The following HERC3 variants were observed in gnomAD, a reference collection of about 807,000 sequenced individuals.
HERC3 encodes probable E3 ubiquitin-protein ligase HERC3.
HERC3 carries 58 observed loss-of-function variants against 129.9 expected under a neutral mutation model. The ratio of observed to expected loss-of-function variants is 0.45; its 90% CI spans 0.36 to 0.56. HERC3 has a LOEUF of 0.56. Among genes scored for constraint, HERC3 ranks in the 20% least tolerant of loss-of-function variants. The pLI is 0.00. For missense variants in HERC3, 835 were observed against 1,244.2 expected (o/e 0.67, Z 4.95); for synonymous variants, 430 against 451.0 (o/e 0.95, Z 0.59).
chr4:88,624,983 C>G (rs1725934429), intron 3 of HERC3, among the ~76,000 whole-genome samples: 1 of 152,154 alleles, frequency 6.6e-6, no homozygotes, highest in African/African-American at 2.4e-5. Flanking sequence ...TTGCATTATC[C>G]TGGAACCTAT....
chr4:88,563,804 A>G, the HERC3 span, among the ~76,000 whole-genome samples: 10 of 151,804 alleles, frequency 6.6e-5, no homozygotes, highest in South Asian at 1.7e-3. Context: ...GATTACAGGC[A>G]TGCACCACCA....
the HERC3 span, among the ~76,000 whole-genome samples, chr4:88,543,303 G>T: frequency 1.3e-5 from 2 of 151,894 alleles, no homozygotes; most frequent in Admixed American, 6.6e-5. Context: ...AACAGACAGA[G>T]AGCCAAATCA....
Position 88,662,426 on chromosome 4 carries a change from T to G in HERC3, c.1147-5T>G, listed in dbSNP as rs1432843864. On this transcript the variant is annotated splice_region_variant and splice_polypyrimidine_tract_variant and intron_variant, in intron 10 of 25. Transcript: ENST00000402738. The stretch of plus-strand genomic sequence containing the variant: ...TTCTTTTTACTGTTACATTTAATTC[T>G]CCAGAATTATTCTCCTGCTGTTGAC... 1 of 1,602,522 alleles carries G rather than the reference T, an allele frequency of 6.2e-7. No homozygotes were observed. The highest frequency in any genetic ancestry group is 1.8e-5 in the Admixed American group (1 of 56,968).
intron 10 of HERC3, among the ~76,000 whole-genome samples, chr4:88,661,587 G>A (rs1304315463): frequency 1.3e-5 from 2 of 152,124 alleles, no homozygotes; most frequent in Non-Finnish European, 2.9e-5. Flanking sequence ...CTTAGTTCTC[G>A]ATCAAGAACA....
Position 88,605,960 on chromosome 4 carries a change from CTG to C in HERC3, c.141_142del (p.Phe48ProfsTer21). Reference sequence around the variant, plus strand: ...GAAGTGGCCTGTGGGGGAAACCACTCTGTGTTCCTGCTGGAAGATGGGGAAGT... The same window carrying C: ...GAAGTGGCCTGTGGGGGAAACCACTCTGTTCCTGCTGGAAGATGGGGAAGT... On this transcript the variant is annotated frameshift_variant, in exon 3 of 26. Transcript: ENST00000402738. LOFTEE classifies it high-confidence loss of function. 1 of 1,614,074 alleles carries C rather than the reference CTG, an allele frequency of 6.2e-7. No homozygotes were observed. The highest frequency in any genetic ancestry group is 8.5e-7 in the Non-Finnish European group (1 of 1,180,016).
At chr4:88,662,967 A>G (rs1730648736) in intron 11 of HERC3, among the ~76,000 whole-genome samples, 1 of 151,754 alleles carries the variant, frequency 6.6e-6, no homozygotes, top group African/African-American at 2.4e-5. Context: ...TTTCCTATTC[A>G]TAATGATTGA....
At chr4:88,679,765 G>T (rs1050710197) in intron 19 of HERC3, among the ~76,000 whole-genome samples, 11 of 152,134 alleles carry the variant, frequency 7.2e-5, no homozygotes, top group Non-Finnish European at 1.5e-4. Flanking sequence ...TGATCTGCCT[G>T]CCTCGGCCTC....
intron 3 of HERC3, among the ~76,000 whole-genome samples, chr4:88,641,363 TTCAA>T (rs1320760747): frequency 6.6e-6 from 1 of 152,182 alleles, no homozygotes; most frequent in Non-Finnish European, 1.5e-5. Context: ...AAGAAAAGTA[TTCAA>T]TCAATAATTT....
the HERC3 span, among the ~76,000 whole-genome samples, chr4:88,529,406 A>G: frequency 1.3e-5 from 2 of 152,164 alleles, no homozygotes; most frequent in Non-Finnish European, 2.9e-5. Context: ...ACAGTAAGGT[A>G]TGATGGCACC....
chr4:88,609,789 G>A lies in HERC3; in HGVS notation c.226+3740G>A, dbSNP rs979187599. 8.5e-5 allele frequency among the ~76,000 whole-genome samples: 13 copies of A among 152,298 alleles called. No individual in the cohort carries two copies. In the East Asian group the frequency reaches 1.3e-3, roughly 16 times the overall value. On this transcript the variant is annotated intron_variant, in intron 3 of 25. Transcript: ENST00000402738. ...TCAAGAAAGAATTCAGGGCAAGTCC[G>A]TGGTACAAAATGAAAACAAATTTAT...
At chr4:88,607,697 G>A (rs1723824080) in intron 3 of HERC3, among the ~76,000 whole-genome samples, 1 of 152,126 alleles carries the variant, frequency 6.6e-6, no homozygotes, top group South Asian at 2.1e-4. Flanking sequence ...TCAAACTCTT[G>A]AGCTCAAGCA....
Position 88,605,934 on chromosome 4 carries a change from G to A in HERC3, c.111G>A (p.Lys37=). 1 of 1,614,170 alleles carries A rather than the reference G, an allele frequency of 6.2e-7. No homozygotes were observed. The highest frequency in any genetic ancestry group is 1.1e-5 in the South Asian group (1 of 91,084). ...VCGFISDRSV[K]EVACGGNHSV... ...GGTTCATATCTGACAGAAGTGTCAA[G>A]GAAGTGGCCTGTGGGGGAAACCACT... is the stretch of plus-strand genomic sequence containing the variant. Residue 37 remains lysine (K), a synonymous_variant, in exon 3 of 26, where the codon AAG becomes AAA. Coordinates refer to ENST00000402738, the MANE Select transcript of HERC3 (RefSeq NM_014606.3).
chr4:88,636,901 C>T (rs535970694), intron 3 of HERC3, among the ~76,000 whole-genome samples: 13 of 152,216 alleles, frequency 8.5e-5, no homozygotes, highest in East Asian at 1.9e-4. Flanking sequence ...TTTGTGAGGC[C>T]GAGGTGGGCG....
chr4:88,596,686 A>C (rs976919193), intron 2 of HERC3, among the ~76,000 whole-genome samples: 1 of 152,246 alleles, frequency 6.6e-6, no homozygotes, highest in African/African-American at 2.4e-5. Flanking sequence ...GTAAGCATAA[A>C]ATAATGCATG....
the HERC3 span, among the ~76,000 whole-genome samples, chr4:88,567,120 G>C: frequency 2.0e-5 from 3 of 152,120 alleles, no homozygotes; most frequent in Admixed American, 6.5e-5. Flanking sequence ...ATGCCACTCT[G>C]TCCTGGCCTG....
intron 9 of HERC3, among the ~76,000 whole-genome samples, chr4:88,657,609 C>G (rs1045545830): frequency 1.3e-5 from 2 of 152,158 alleles, no homozygotes; most frequent in African/African-American, 4.8e-5. Context: ...TAAATTTGTG[C>G]TTGGATGTTT....
intron 10 of HERC3, among the ~76,000 whole-genome samples, chr4:88,662,173 G>A (rs929106425): frequency 1.3e-5 from 2 of 152,122 alleles, no homozygotes; most frequent in African/African-American, 2.4e-5. Flanking sequence ...TGAGGCAAGC[G>A]GGCTGGACCT....
chr4:88,652,022 A>C lies in HERC3; in HGVS notation c.397A>C (p.Lys133Gln), dbSNP rs746335012. The C allele has an allele frequency of 6.2e-7, 1 of 1,613,240 alleles. No individual in the cohort carries two copies. The highest frequency in any genetic ancestry group is 1.1e-5 in the South Asian group (1 of 91,036). The part of the protein sequence containing the change: ...DSVAVPRLIQ[K>Q]LNQQTILQVS... ...CCTTTTCTGTTTTAGGTTAATACAAAAGCTGAACCAGCAAACAATATTACA... is the reference window on the plus strand; with the variant it reads ...CCTTTTCTGTTTTAGGTTAATACAACAGCTGAACCAGCAAACAATATTACA... The change falls in exon 5 of 26, where the codon AAG becomes CAG. Residue 133 changes from lysine to glutamine, a missense_variant. Coordinates refer to ENST00000402738, the MANE Select transcript of HERC3 (RefSeq NM_014606.3).
intron 16 of HERC3, among the ~76,000 whole-genome samples, chr4:88,673,840 G>A (rs913360248): frequency 2.0e-5 from 3 of 152,102 alleles, no homozygotes; most frequent in African/African-American, 4.8e-5. Flanking sequence ...ACAGATTCGC[G>A]GCTTCTTTTG....
Sources: gnomAD v4.1 joint callset for allele counts (sites outside exome capture counted in the v4.1 genomes callset) on GRCh38, gnomAD v4.1.1 for gene constraint, MANE v1.5 for transcripts, NCBI Gene and HGNC (gene_info 2026-07-23, HGNC 2026-07-21) for gene names.